Variants in DCT observed in about 807,000 individuals in gnomAD.
DCT encodes dopachrome tautomerase, also known as L-dopachrome tautomerase.
A neutral mutation model predicts 53.0 loss-of-function variants in DCT; 47 were observed. The observed-to-expected ratio is 0.89, with a 90% CI of 0.70 to 1.13. The LOEUF (loss-of-function observed/expected upper bound fraction) is 1.13, where lower values mean the gene tolerates loss of function less well. Ranked by LOEUF, DCT falls within the 50% of genes most tolerant of loss-of-function variation. The probability of loss-of-function intolerance (pLI) is 0.00; values close to 1 mark genes in which losing one functional copy is unlikely to be tolerated. For missense variants in DCT, 669 were observed against 637.4 expected, an observed-to-expected ratio of 1.05 and a Z score of -0.53; for synonymous variants, 244 against 237.0, an observed-to-expected ratio of 1.03 and a Z score of -0.27.
the DCT span, among the ~76,000 whole-genome samples, chr13:94,526,706 C>T: frequency 7.2e-5 from 11 of 152,282 alleles, no homozygotes; most frequent in African/African-American, 2.6e-4. Flanking sequence ...GCGAGATTGA[C>T]GCAAAAGATG....
chr13:94,463,601 T>G lies in DCT; in HGVS notation c.864-1412A>C, dbSNP rs572248621. On this transcript the variant is annotated intron_variant, in intron 4 of 7. Transcript: ENST00000377028. ...CACCGTGCCCAGCTAGGCTAACTTTTCAAACTTTTTGTAGAGACAGGGTTT... is the reference window on the plus strand; with the variant it reads ...CACCGTGCCCAGCTAGGCTAACTTTGCAAACTTTTTGTAGAGACAGGGTTT... Among the ~76,000 whole-genome samples, 4 of 152,256 alleles carry G rather than the reference T, an allele frequency of 2.6e-5. No individual in the cohort carries two copies. In the East Asian group the frequency reaches 7.7e-4, roughly 29 times the overall value.
At chr13:94,495,964 C>T in the DCT span, among the ~76,000 whole-genome samples, 1 of 152,198 alleles carries the variant, frequency 6.6e-6, no homozygotes, top group Non-Finnish European at 1.5e-5. Context: ...AGAGCAGGCT[C>T]TTCCCAGAAA....
the DCT span, among the ~76,000 whole-genome samples, chr13:94,526,423 C>A: frequency 6.6e-6 from 1 of 152,124 alleles, no homozygotes; most frequent in Non-Finnish European, 1.5e-5. Flanking sequence ...ATCGCTTGAG[C>A]CTGGAGTTCA....
the DCT span, among the ~76,000 whole-genome samples, chr13:94,503,678 T>G: frequency 6.6e-6 from 1 of 152,170 alleles, no homozygotes; most frequent in African/African-American, 2.4e-5. Flanking sequence ...GAAGACAGGA[T>G]GGGTTCTACC....
At chr13:94,455,818 A>G (rs1883377485) in intron 6 of DCT, among the ~76,000 whole-genome samples, 2 of 152,358 alleles carry the variant, frequency 1.3e-5, no homozygotes, top group South Asian at 4.1e-4. Context: ...TCCTTAATTT[A>G]TCAGAGGATT....
the DCT span, among the ~76,000 whole-genome samples, chr13:94,547,940 G>C: frequency 3.8e-5 from 5 of 133,036 alleles, no homozygotes; most frequent in Admixed American, 3.8e-4. Context: ...TCCAGCCTGG[G>C]CGTCAGAGTG....
the DCT span, among the ~76,000 whole-genome samples, chr13:94,498,421 A>C: frequency 2.0e-5 from 3 of 152,200 alleles, no homozygotes; most frequent in South Asian, 4.1e-4. Flanking sequence ...TAGCATTAGG[A>C]GGTGGAGCCT....
At chr13:94,514,320 G>C in the DCT span, among the ~76,000 whole-genome samples, 1 of 151,048 alleles carries the variant, frequency 6.6e-6, no homozygotes, top group African/African-American at 2.4e-5. Flanking sequence ...CAAAACGGGG[G>C]TGGGCATCAA....
chr13:94,475,660 T>C lies in DCT; in HGVS notation c.295+3301A>G, dbSNP rs749570273. ...TAAAAATGTGTTAAGAGGGCAGATCTCATGTTAACTGTTCTTACCACAAAA... is the reference window on the plus strand; with the variant it reads ...TAAAAATGTGTTAAGAGGGCAGATCCCATGTTAACTGTTCTTACCACAAAA... On this transcript the variant is annotated intron_variant, in intron 1 of 7. Transcript: ENST00000377028. Among the ~76,000 whole-genome samples, 171 of 152,334 alleles carry C rather than the reference T, an allele frequency of 1.1e-3. 1 individual carries two copies. Among genetic ancestry groups the C allele is most frequent in the Non-Finnish European group, 7.1e-4 (48 of 68,028 alleles).
the DCT span, among the ~76,000 whole-genome samples, chr13:94,521,654 A>G: frequency 6.6e-6 from 1 of 152,288 alleles, no homozygotes; most frequent in East Asian, 1.9e-4. Context: ...TGGGCAACAG[A>G]GTGAGACTCT....
At chr13:94,496,637 G>A in the DCT span, among the ~76,000 whole-genome samples, 17 of 152,292 alleles carry the variant, frequency 1.1e-4, no homozygotes, top group African/African-American at 2.2e-4. Context: ...AAAATGAGAC[G>A]TGAAGGAAGA....
chr13:94,465,834 A>G (rs200676145), intron 3 of DCT, 35 bp from the exon 4 acceptor site: 13 of 1,577,038 alleles, frequency 8.2e-6, no homozygotes, highest in Non-Finnish European at 1.1e-5. Context: ...CATTTAATCC[A>G]TGCCATCAGA....
the DCT span, among the ~76,000 whole-genome samples, chr13:94,521,614 G>C: frequency 6.6e-6 from 1 of 152,202 alleles, no homozygotes; most frequent in African/African-American, 2.4e-5. Flanking sequence ...AGGTTGCAGT[G>C]AGCTGAGATC....
the DCT span, among the ~76,000 whole-genome samples, chr13:94,484,791 C>T: frequency 7.2e-5 from 11 of 152,158 alleles, no homozygotes; most frequent in African/African-American, 2.7e-4. Flanking sequence ...ACTTAATCTC[C>T]TCTGTAAAGG....
At chr13:94,531,050 A>G in the DCT span, among the ~76,000 whole-genome samples, 1 of 152,218 alleles carries the variant, frequency 6.6e-6, no homozygotes, top group Non-Finnish European at 1.5e-5. Flanking sequence ...ATTGCTACAA[A>G]GAGAATAAAA....
the DCT span, among the ~76,000 whole-genome samples, chr13:94,539,778 G>A: frequency 0.39 from 58,554 of 151,806 alleles, 11,735 homozygotes; most frequent in East Asian, 0.61. Flanking sequence ...AATATGGTTT[G>A]AAAGCTCAGC....
At chr13:94,520,453 A>G in the DCT span, among the ~76,000 whole-genome samples, 1,030 of 152,356 alleles carry the variant, frequency 6.8e-3, 11 homozygotes, top group African/African-American at 0.024. Flanking sequence ...GCCTGCCATA[A>G]GGCTGGAAGA....
the DCT span, among the ~76,000 whole-genome samples, chr13:94,527,973 C>T: frequency 3.3e-5 from 5 of 152,078 alleles, no homozygotes; most frequent in Non-Finnish European, 5.9e-5. Flanking sequence ...AACCATGGCA[C>T]GAGAACTTCG....
chr13:94,469,166 G>A, intron 1 of DCT, 121 bp from the exon 2 acceptor site: 1 of 816,286 alleles, frequency 1.2e-6, no homozygotes, highest in Non-Finnish European at 2.0e-6. Context: ...CAAAGGCAAA[G>A]AAAGTCAATT....
Sources: gnomAD v4.1 joint callset for allele counts (sites outside exome capture counted in the v4.1 genomes callset) on GRCh38, gnomAD v4.1.1 for gene constraint, MANE v1.5 for transcripts, NCBI Gene and HGNC (gene_info 2026-07-23, HGNC 2026-07-21) for gene names.